IFT43: variants seen among roughly 807,000 people sequenced by gnomAD.
The protein encoded by IFT43 is intraflagellar transport 43.
A neutral mutation model predicts 32.3 loss-of-function variants in IFT43; 33 were observed. The ratio of observed to expected loss-of-function variants is 1.02; its 90% CI spans 0.77 to 1.37. The LOEUF (loss-of-function observed/expected upper bound fraction) is 1.37, where lower values mean the gene tolerates loss of function less well. Ranked by LOEUF, IFT43 falls within the 40% of genes most tolerant of loss-of-function variation. IFT43 has a pLI of 0.00. For missense variants in IFT43, 274 were observed against 265.9 expected (o/e 1.03, Z -0.21); for synonymous variants, 93 against 98.2 (o/e 0.95, Z 0.31).
At chr14:76,027,685 G>A (rs2036429140) in intron 3 of IFT43, among the ~76,000 whole-genome samples, 1 of 148,528 alleles carries the variant, frequency 6.7e-6, no homozygotes, top group Non-Finnish European at 1.5e-5. Context: ...CTCCAGCCTG[G>A]GCAACAGAGT....
intron 5 of IFT43, among the ~76,000 whole-genome samples, chr14:76,061,580 AC>A (rs2037136039): frequency 6.6e-6 from 1 of 152,046 alleles, no homozygotes; most frequent in African/African-American, 2.4e-5. Flanking sequence ...CTTTTCTTCT[AC>A]AATGTCTAGT....
At chr14:76,042,127 C>T (rs560975153) in intron 3 of IFT43, among the ~76,000 whole-genome samples, 6 of 151,928 alleles carry the variant, frequency 3.9e-5, no homozygotes, top group South Asian at 2.1e-4. Flanking sequence ...CACACACACA[C>T]GTACACACAT....
At chr14:76,070,036 A>G (rs2037292332) in intron 5 of IFT43, among the ~76,000 whole-genome samples, 1 of 152,240 alleles carries the variant, frequency 6.6e-6, no homozygotes, top group African/African-American at 2.4e-5. Context: ...TGAAGACTTA[A>G]TTCTGCAAGT....
At chr14:76,063,873 A>G (rs2037184658) in intron 5 of IFT43, among the ~76,000 whole-genome samples, 1 of 152,246 alleles carries the variant, frequency 6.6e-6, no homozygotes, top group Non-Finnish European at 1.5e-5. Flanking sequence ...ATCCCAGGCC[A>G]TGCACTAATC....
chr14:75,997,917 A>G (rs2035777915), intron 2 of IFT43, among the ~76,000 whole-genome samples: 1 of 152,152 alleles, frequency 6.6e-6, no homozygotes, highest in African/African-American at 2.4e-5. Context: ...TTCACGGTCA[A>G]ACCCTTTAAT....
At chr14:75,999,241 ATATAT>A (rs2035809409) in intron 2 of IFT43, among the ~76,000 whole-genome samples, 20 of 12,970 alleles carry the variant, frequency 1.5e-3, no homozygotes, top group East Asian at 4.0e-3. Context: ...ATATATATAT[ATATAT>A]ATATATATAT....
intron 5 of IFT43, among the ~76,000 whole-genome samples, chr14:76,060,188 C>T (rs947412498): frequency 9.9e-5 from 15 of 152,030 alleles, no homozygotes; most frequent in Admixed American, 2.6e-4. Flanking sequence ...GAGGAGATTA[C>T]GTAGGGGATC....
chr14:76,020,445 G>C (rs1161423385), intron 2 of IFT43, among the ~76,000 whole-genome samples: 1 of 152,042 alleles, frequency 6.6e-6, no homozygotes. Context: ...CATGTTTCCT[G>C]TGTTCTTACA....
intron 3 of IFT43, chr14:76,038,007 T>C (rs2036634168): frequency 6.6e-6 from 1 of 152,228 alleles, no homozygotes; most frequent in Non-Finnish European, 1.5e-5. Flanking sequence ...ACAATTTTGC[T>C]CATTTGGTTT....
intron 3 of IFT43, among the ~76,000 whole-genome samples, chr14:76,033,222 A>G (rs548102416): frequency 6.6e-6 from 1 of 152,294 alleles, no homozygotes; most frequent in Non-Finnish European, 1.5e-5. Flanking sequence ...AATATAGGAT[A>G]CTATGAAAAA....
intron 5 of IFT43, among the ~76,000 whole-genome samples, chr14:76,078,052 C>T (rs1263091825): frequency 6.6e-6 from 1 of 152,166 alleles, no homozygotes; most frequent in African/African-American, 2.4e-5. Flanking sequence ...AAGTAAAATA[C>T]ATCTATATGT....
At chr14:75,989,922 G>A (rs866124016) in intron 2 of IFT43, among the ~76,000 whole-genome samples, 11 of 152,212 alleles carry the variant, frequency 7.2e-5, no homozygotes, top group Non-Finnish European at 1.0e-4. Context: ...CTTCATTTTC[G>A]TAGGAAATGC....
intron 5 of IFT43, among the ~76,000 whole-genome samples, chr14:76,078,742 C>T (rs1218465909): frequency 6.6e-6 from 1 of 152,142 alleles, no homozygotes; most frequent in Non-Finnish European, 1.5e-5. Context: ...CACTGCCTGC[C>T]GGGGAAGCTG....
At chr14:76,031,713 C>G (rs2036512451) in intron 3 of IFT43, among the ~76,000 whole-genome samples, 1 of 152,200 alleles carries the variant, frequency 6.6e-6, no homozygotes, top group African/African-American at 2.4e-5. Flanking sequence ...CAGATCAAAT[C>G]CATTTCCTCT....
intron 5 of IFT43, among the ~76,000 whole-genome samples, chr14:76,070,745 G>T (rs971094088): frequency 1.3e-5 from 2 of 151,918 alleles, no homozygotes; most frequent in East Asian, 3.9e-4. Flanking sequence ...AGTGAGTTCC[G>T]GTTGTTTAAG....
chr14:76,043,902 G>A (rs192426429), intron 3 of IFT43, among the ~76,000 whole-genome samples: 1 of 152,226 alleles, frequency 6.6e-6, no homozygotes, highest in East Asian at 1.9e-4. Flanking sequence ...TTTTACCTGT[G>A]CTTCTGAACC....
chr14:76,057,901 A>G lies in IFT43; in HGVS notation c.216-741A>G, dbSNP rs372050477. 1.2e-3 allele frequency among the ~76,000 whole-genome samples: 181 copies of G among 152,368 alleles called. 5 individuals are homozygous for G. The South Asian group carries it at 0.035, about 30-fold the overall frequency. ...TCATCAACATTTCGCCAGTCTTATT[A>G]GAAAACTTCACATCAGTGTTTCTCA... On this transcript the variant is annotated intron_variant, in intron 3 of 8. Transcript: ENST00000314067.
chr14:76,053,442 G>A (rs2036952955), intron 3 of IFT43, among the ~76,000 whole-genome samples: 1 of 152,172 alleles, frequency 6.6e-6, no homozygotes, highest in East Asian at 1.9e-4. Context: ...GTGGAGCTGA[G>A]GTACTGGGCT....
intron 3 of IFT43, among the ~76,000 whole-genome samples, chr14:76,040,990 A>G (rs931864183): frequency 6.6e-6 from 1 of 152,202 alleles, no homozygotes. Flanking sequence ...CTGTTTCCCA[A>G]CTGCCTGTGG....
Sources: gnomAD v4.1 joint callset for allele counts (sites outside exome capture counted in the v4.1 genomes callset) on GRCh38, gnomAD v4.1.1 for gene constraint, MANE v1.5 for transcripts, NCBI Gene and HGNC (gene_info 2026-07-23, HGNC 2026-07-21) for gene names.